INSL6: variants seen among roughly 807,000 people sequenced by gnomAD.
INSL6 encodes the protein insulin-like peptide INSL6.
In INSL6, 16 loss-of-function variants were observed where a neutral mutation model predicts 9.4. The ratio of observed to expected loss-of-function variants is 1.70; its 90% CI spans 1.15 to 2.59. The LOEUF (loss-of-function observed/expected upper bound fraction) is 2.59, where lower values mean the gene tolerates loss of function less well. Among genes scored for constraint, INSL6 ranks in the 30% most tolerant of loss-of-function variants. INSL6 has a pLI of 0.00. For synonymous variants in INSL6, 154 were observed against 96.9 expected, an observed-to-expected ratio of 1.59 and a Z score of -3.46; for missense variants, 391 against 257.3, an observed-to-expected ratio of 1.52 and a Z score of -3.56.
At chr9:5,035,986 C>G in the INSL6 span, among the ~76,000 whole-genome samples, 1 of 151,936 alleles carries the variant, frequency 6.6e-6, no homozygotes, top group Non-Finnish European at 1.5e-5. Context: ...AAAACCCCAT[C>G]GTCTCAGCCC....
chr9:5,053,520 G>A, the INSL6 span, among the ~76,000 whole-genome samples: 1 of 151,898 alleles, frequency 6.6e-6, no homozygotes, highest in Non-Finnish European at 1.5e-5. Flanking sequence ...TTTGTGTCTT[G>A]TGCCATGTGG....
downstream of INSL6, among the ~76,000 whole-genome samples, chr9:5,121,140 A>G (rs1001644661): frequency 5.3e-5 from 8 of 152,156 alleles, no homozygotes; most frequent in African/African-American, 1.7e-4. Flanking sequence ...GTATAATTGA[A>G]AACAAAATCT....
the INSL6 span, chr9:5,072,741 C>G: frequency 5.7e-6 from 4 of 698,038 alleles, no homozygotes; most frequent in Non-Finnish European, 8.4e-6. Context: ...TTAAATGTGT[C>G]AAGGACTTTT....
At chr9:5,131,695 C>T (rs532688924) in intron 3 of INSL6, among the ~76,000 whole-genome samples, 8 of 152,226 alleles carry the variant, frequency 5.3e-5, no homozygotes, top group Middle Eastern at 6.8e-3. Flanking sequence ...CCGCCTCAAC[C>T]TCCCAAAGTG....
the INSL6 span, among the ~76,000 whole-genome samples, chr9:5,117,777 AAG>A: frequency 6.6e-6 from 1 of 152,154 alleles, no homozygotes; most frequent in Non-Finnish European, 1.5e-5. Context: ...AGTAATTTTT[AAG>A]AGTATACGAG....
chr9:5,020,609 T>A, the INSL6 span, among the ~76,000 whole-genome samples: 1 of 152,138 alleles, frequency 6.6e-6, no homozygotes, highest in African/African-American at 2.4e-5. Context: ...GTAGATGTGA[T>A]GAAGCTGTAC....
chr9:5,134,802 G>C (rs949156225), intron 2 of INSL6, among the ~76,000 whole-genome samples: 2 of 152,112 alleles, frequency 1.3e-5, no homozygotes, highest in African/African-American at 4.8e-5. Flanking sequence ...TAATCAGCTA[G>C]CATCATAATG....
chr9:5,038,278 CAAAT>C, the INSL6 span, among the ~76,000 whole-genome samples: 9 of 152,186 alleles, frequency 5.9e-5, no homozygotes, highest in Admixed American at 6.5e-5. Context: ...AGGTCTATGA[CAAAT>C]AAAGAAATCA....
intron 1 of INSL6, among the ~76,000 whole-genome samples, chr9:5,172,252 T>C (rs1032527592): frequency 1.3e-5 from 2 of 152,000 alleles, no homozygotes; most frequent in Admixed American, 1.3e-4. Flanking sequence ...GATCCGCTAT[T>C]TAATAAATGG....
chr9:5,145,516 G>A (rs1291106129), intron 2 of INSL6, among the ~76,000 whole-genome samples: 1 of 152,150 alleles, frequency 6.6e-6, no homozygotes, highest in East Asian at 1.9e-4. Context: ...TTGCTAGGTT[G>A]GGAAAGTTCT....
chr9:5,050,929 A>G, the INSL6 span: 1 of 982,472 alleles, frequency 1.0e-6, no homozygotes, highest in Non-Finnish European at 1.6e-6. Flanking sequence ...TTGATTTTGT[A>G]ATACTAGTTA....
At chr9:5,139,278 C>T (rs545872806) in intron 2 of INSL6, among the ~76,000 whole-genome samples, 40 of 152,062 alleles carry the variant, frequency 2.6e-4, no homozygotes, top group Middle Eastern at 3.4e-3. Context: ...AATTTTTTCA[C>T]GTGCAGTTTA....
At chr9:5,154,870 G>A (rs1824785520) in intron 2 of INSL6, among the ~76,000 whole-genome samples, 1 of 152,150 alleles carries the variant, frequency 6.6e-6, no homozygotes, top group Non-Finnish European at 1.5e-5. Flanking sequence ...CTTTTACACT[G>A]TTGGTGGGAC....
chr9:5,059,732 C>G, the INSL6 span, among the ~76,000 whole-genome samples: 2 of 152,048 alleles, frequency 1.3e-5, no homozygotes, highest in Non-Finnish European at 2.9e-5. Flanking sequence ...CTAAAAATGT[C>G]TTAGTTTGTC....
chr9:5,179,497 T>C (rs1042782048), intron 1 of INSL6, among the ~76,000 whole-genome samples: 5 of 152,224 alleles, frequency 3.3e-5, no homozygotes, highest in Non-Finnish European at 2.9e-5. Flanking sequence ...TTACTGGGTG[T>C]ATACCCAAAG....
At chr9:5,084,673 A>G in the INSL6 span, among the ~76,000 whole-genome samples, 1 of 152,082 alleles carries the variant, frequency 6.6e-6, no homozygotes, top group Non-Finnish European at 1.5e-5. Flanking sequence ...ACATATACTT[A>G]TATTCTTTTT....
the INSL6 span, chr9:5,112,008 T>TAGCCTGG: frequency 2.6e-6 from 1 of 387,200 alleles, no homozygotes; most frequent in Admixed American, 3.0e-5. Flanking sequence ...GACGTCGCAC[T>TAGCCTGG]AGCCTGGAGC....
At chr9:5,070,716 T>C in the INSL6 span, among the ~76,000 whole-genome samples, 39 of 152,186 alleles carry the variant, frequency 2.6e-4, 1 homozygote, top group South Asian at 2.5e-3. Flanking sequence ...ACTGGATTTA[T>C]TGAAAAAAAC....
At chr9:5,131,815 C>T (rs913121282) in intron 3 of INSL6, among the ~76,000 whole-genome samples, 8 of 152,020 alleles carry the variant, frequency 5.3e-5, no homozygotes, top group South Asian at 4.1e-4. Context: ...CACAGCTAAA[C>T]GACAATAATT....
Sources: allele counts gnomAD v4.1 joint callset (sites outside exome capture counted in the v4.1 genomes callset), GRCh38; gene constraint gnomAD v4.1.1; transcripts MANE v1.5; gene names NCBI Gene and HGNC (gene_info 2026-07-23, HGNC 2026-07-21).